CSMD2: variants seen among roughly 807,000 people sequenced by gnomAD.
CSMD2 encodes the protein CUB and sushi domain-containing protein 2.
Under a neutral mutation model 398.5 loss-of-function variants are expected in CSMD2, and 130 were observed. The observed-to-expected ratio is 0.33, with a 90% CI of 0.28 to 0.38. CSMD2 has a LOEUF of 0.38. CSMD2 is among the 10% of genes least tolerant of loss of function. The pLI, the probability that CSMD2 is intolerant of heterozygous loss-of-function variation, is 1.00. For synonymous variants in CSMD2, 1,828 were observed against 1,908.5 expected, an observed-to-expected ratio of 0.96 and a Z score of 1.10; for missense variants, 3,829 against 4,764.9, an observed-to-expected ratio of 0.80 and a Z score of 5.78.
chr1:33,677,297 A>G (rs1430120517), intron 25 of CSMD2, among the ~76,000 whole-genome samples: 1 of 152,250 alleles, frequency 6.6e-6, no homozygotes, highest in Non-Finnish European at 1.5e-5. Context: ...AAAAGTGGGC[A>G]ACGGATATGA....
At chr1:34,039,056 C>T (rs1264886841) in intron 2 of CSMD2, among the ~76,000 whole-genome samples, 1 of 152,166 alleles carries the variant, frequency 6.6e-6, no homozygotes, top group Admixed American at 6.5e-5. Context: ...AGTGTCTCAA[C>T]GTTACTTCTA....
At chr1:34,081,304 C>A (rs1657080900) in intron 2 of CSMD2, among the ~76,000 whole-genome samples, 3 of 152,174 alleles carry the variant, frequency 2.0e-5, no homozygotes, top group African/African-American at 7.2e-5. Context: ...TCCAATGTTA[C>A]TTGGACTGTC....
In CSMD2 at chr1:33,784,005, C is replaced by A. The variant is rs937259509; in HGVS notation, c.1663+4595G>T. ...CACCATGTGACTCCCTATCCCAGGG[C>A]ATTTTGTTGTCAGCAGACTATACAG... On this transcript the variant is annotated intron_variant, in intron 12 of 70. Transcript: ENST00000373381. Among the ~76,000 whole-genome samples the A allele has an allele frequency of 3.4e-5, 5 of 147,346 alleles. No homozygotes were observed. In the Admixed American group the frequency reaches 3.5e-4, roughly 10 times the overall value.
intron 28 of CSMD2, among the ~76,000 whole-genome samples, chr1:33,651,926 G>C (rs79363962): frequency 9.2e-5 from 14 of 151,924 alleles, no homozygotes; most frequent in South Asian, 6.2e-4. Flanking sequence ...AGCTAGATTG[G>C]GGGGGGTGCC....
intron 22 of CSMD2, 43 bp from the exon 23 acceptor site, chr1:33,700,716 C>T: frequency 6.2e-7 from 1 of 1,605,902 alleles, no homozygotes; most frequent in Non-Finnish European, 8.5e-7. Context: ...GTCAGCATGG[C>T]CTTATGTTGA....
chr1:34,154,136 T>C (rs1191051427), intron 1 of CSMD2, among the ~76,000 whole-genome samples: 2 of 152,224 alleles, frequency 1.3e-5, no homozygotes, highest in African/African-American at 2.4e-5. Context: ...ACAAGCTTAC[T>C]AGACTTAACA....
chr1:33,872,059 C>T (rs909458392), intron 5 of CSMD2, among the ~76,000 whole-genome samples: 5 of 152,168 alleles, frequency 3.3e-5, no homozygotes, highest in Non-Finnish European at 1.5e-5. Context: ...ATTAACTTTC[C>T]AGCACATGAC....
At chr1:33,747,266 G>A (rs756390979) in intron 13 of CSMD2, among the ~76,000 whole-genome samples, 1 of 152,190 alleles carries the variant, frequency 6.6e-6, no homozygotes, top group Non-Finnish European at 1.5e-5. Flanking sequence ...AAAATGAAAT[G>A]CAAGCGTAAC....
At chr1:34,165,756 T>A (rs1354740899), upstream of CSMD2, 1 of 1,614,022 alleles carries the variant, frequency 6.2e-7, no homozygotes. Flanking sequence ...CCAGCTGATC[T>A]TGGGTGGTGG....
chr1:33,996,929 T>C (rs946208699), intron 3 of CSMD2, among the ~76,000 whole-genome samples: 5 of 152,108 alleles, frequency 3.3e-5, no homozygotes, highest in African/African-American at 1.2e-4. Context: ...TTTGCACATA[T>C]TATCTCATTT....
intron 57 of CSMD2, among the ~76,000 whole-genome samples, chr1:33,543,742 A>G (rs1337230535): frequency 6.6e-6 from 1 of 152,228 alleles, no homozygotes; most frequent in Admixed American, 6.5e-5. Context: ...TTCTTTAGGA[A>G]AGACATTTTC....
chr1:33,520,020 G>T, intron 68 of CSMD2, 70 bp from the exon 69 acceptor site: 1 of 1,559,144 alleles, frequency 6.4e-7, no homozygotes, highest in South Asian at 1.1e-5. Flanking sequence ...TACCCTCCCC[G>T]ACTATACACT....
At chr1:33,889,542 T>C (rs1424251198) in intron 5 of CSMD2, among the ~76,000 whole-genome samples, 2 of 152,198 alleles carry the variant, frequency 1.3e-5, no homozygotes, top group Non-Finnish European at 2.9e-5. Context: ...AAAGCTATCC[T>C]ATTAATGCTC....
chr1:33,903,330 T>C (rs1217504820), intron 5 of CSMD2, among the ~76,000 whole-genome samples: 1 of 135,386 alleles, frequency 7.4e-6, no homozygotes, highest in Non-Finnish European at 1.6e-5. Context: ...TGTCGACTGC[T>C]GAGCTTTTTT....
chr1:33,985,555 A>G (rs1475808041), intron 3 of CSMD2, among the ~76,000 whole-genome samples: 1 of 152,154 alleles, frequency 6.6e-6, no homozygotes, highest in Non-Finnish European at 1.5e-5. Flanking sequence ...TGGAGTCGAA[A>G]CGTACCCGAG....
intron 53 of CSMD2, among the ~76,000 whole-genome samples, chr1:33,564,425 C>T (rs549092249): frequency 3.1e-4 from 47 of 152,286 alleles, no homozygotes; most frequent in African/African-American, 9.6e-4. Context: ...ACCCAGACCC[C>T]GACAGTCTCT....
At chr1:34,132,965 C>CA (rs887902000) in intron 1 of CSMD2, among the ~76,000 whole-genome samples, 4 of 102,940 alleles carry the variant, frequency 3.9e-5, no homozygotes, top group Non-Finnish European at 7.0e-5. Context: ...CACACACACA[C>CA]CTTTTTTTTT....
At chr1:33,979,075 G>A (rs1646070985) in intron 3 of CSMD2, among the ~76,000 whole-genome samples, 1 of 152,126 alleles carries the variant, frequency 6.6e-6, no homozygotes, top group South Asian at 2.1e-4. Flanking sequence ...TCCTGGACTT[G>A]AACTCCACGT....
intron 44 of CSMD2, among the ~76,000 whole-genome samples, chr1:33,588,303 G>C (rs1022358750): frequency 2.0e-5 from 3 of 152,128 alleles, no homozygotes; most frequent in Non-Finnish European, 4.4e-5. Context: ...CAGATACTCT[G>C]TTAACCATTT....
Sources: allele counts gnomAD v4.1 joint callset (sites outside exome capture counted in the v4.1 genomes callset), GRCh38; gene constraint gnomAD v4.1.1; transcripts MANE v1.5; gene names NCBI Gene and HGNC (gene_info 2026-07-23, HGNC 2026-07-21).